Variants in RICTOR observed in about 807,000 individuals in gnomAD.
RICTOR encodes rapamycin-insensitive companion of mTOR.
A neutral mutation model predicts 214.9 loss-of-function variants in RICTOR; 49 were observed. The ratio of observed to expected loss-of-function variants is 0.23; its 90% CI spans 0.18 to 0.29. RICTOR has a LOEUF of 0.29. Ranked by LOEUF, RICTOR falls within the 10% of genes least tolerant of loss-of-function variation. The pLI, the probability that RICTOR is intolerant of heterozygous loss-of-function variation, is 1.00. For synonymous variants in RICTOR, 717 were observed against 711.3 expected (o/e 1.01, Z -0.13); for missense variants, 1,625 against 2,047.0 (o/e 0.79, Z 3.98).
At chr5:38,949,339 G>T in intron 31 of RICTOR, 1 of 1,505,486 alleles carries the variant, frequency 6.6e-7, no homozygotes, top group Non-Finnish European at 8.9e-7. Flanking sequence ...AACTTTTGGA[G>T]CCTTAAATTG....
At chr5:38,991,980 A>C (rs913694621) in intron 6 of RICTOR, among the ~76,000 whole-genome samples, 1 of 152,156 alleles carries the variant, frequency 6.6e-6, no homozygotes, top group Non-Finnish European at 1.5e-5. Context: ...TTGATAAAAT[A>C]AAACTTGTGA....
At chr5:38,974,726 A>C (rs1172491979) in intron 10 of RICTOR, among the ~76,000 whole-genome samples, 2 of 152,224 alleles carry the variant, frequency 1.3e-5, no homozygotes, top group Non-Finnish European at 2.9e-5. Flanking sequence ...CTTTTTACCA[A>C]GCTGCTAAGA....
intron 2 of RICTOR, among the ~76,000 whole-genome samples, chr5:39,039,281 G>A (rs1580166884): frequency 1.3e-5 from 2 of 152,042 alleles, no homozygotes; most frequent in African/African-American, 4.8e-5. Flanking sequence ...AGCTGAAACT[G>A]GATCCCTTCC....
chr5:39,039,295 C>T (rs1245386392), intron 2 of RICTOR, among the ~76,000 whole-genome samples: 6 of 152,118 alleles, frequency 3.9e-5, no homozygotes, highest in African/African-American at 1.4e-4. Flanking sequence ...CCCTTCCTTA[C>T]ACCTTATACA....
intron 3 of RICTOR, among the ~76,000 whole-genome samples, chr5:39,018,963 A>G (rs1755178086): frequency 6.6e-6 from 1 of 152,180 alleles, no homozygotes; most frequent in Non-Finnish European, 1.5e-5. Flanking sequence ...CACACAAATA[A>G]TATGAAGGCA....
intron 15 of RICTOR, 86 bp from the exon 16 acceptor site, chr5:38,964,978 T>C: frequency 1.5e-6 from 1 of 680,034 alleles, no homozygotes; most frequent in East Asian, 2.9e-5. Flanking sequence ...AATGCTGTAT[T>C]CAAGACTATT....
At chr5:39,006,557 C>G (rs1754067882) in intron 3 of RICTOR, among the ~76,000 whole-genome samples, 1 of 151,654 alleles carries the variant, frequency 6.6e-6, no homozygotes, top group Non-Finnish European at 1.5e-5. Flanking sequence ...CCAAAGTGAT[C>G]AACATATCAC....
At chr5:38,981,676 T>C (rs1751725398) in intron 8 of RICTOR, 191 bp downstream of exon 8, 1 of 446,122 alleles carries the variant, frequency 2.2e-6, no homozygotes, top group Non-Finnish European at 3.9e-6. Context: ...GATGAAATAT[T>C]CTTAAGAGTA....
chr5:39,014,398 C>G (rs1185199774), intron 3 of RICTOR, among the ~76,000 whole-genome samples: 4 of 152,002 alleles, frequency 2.6e-5, no homozygotes, highest in Non-Finnish European at 4.4e-5. Context: ...AGTGGTATTT[C>G]TGTCAGAACA....
At chr5:39,066,392 T>C (rs1033745297) in intron 2 of RICTOR, among the ~76,000 whole-genome samples, 3 of 152,244 alleles carry the variant, frequency 2.0e-5, no homozygotes, top group Non-Finnish European at 4.4e-5. Flanking sequence ...CCTAGGCCTC[T>C]GGGCCTATGA....
intron 2 of RICTOR, among the ~76,000 whole-genome samples, chr5:39,040,416 T>G (rs1339151552): frequency 6.6e-6 from 1 of 152,110 alleles, no homozygotes; most frequent in Non-Finnish European, 1.5e-5. Flanking sequence ...TGTGTACATA[T>G]GTAACAAACC....
chr5:39,008,042 G>A (rs1484306650), intron 3 of RICTOR, among the ~76,000 whole-genome samples: 2 of 151,478 alleles, frequency 1.3e-5, no homozygotes, highest in Non-Finnish European at 3.0e-5. Context: ...TAACATTAAA[G>A]AAATGGGAAT....
chr5:38,991,164 A>G, intron 6 of RICTOR, 89 bp from the exon 7 acceptor site: 1 of 732,454 alleles, frequency 1.4e-6, no homozygotes, highest in African/African-American at 1.8e-5. Flanking sequence ...TAATAACAGA[A>G]TAAGATCCAG....
intron 2 of RICTOR, among the ~76,000 whole-genome samples, chr5:39,035,125 T>C (rs1310651386): frequency 2.0e-5 from 3 of 152,122 alleles, no homozygotes; most frequent in African/African-American, 7.2e-5. Context: ...GAGACAAAAC[T>C]TCCAGAGGAA....
intron 3 of RICTOR, among the ~76,000 whole-genome samples, chr5:39,006,691 G>GGGAAGGGAGA (rs1754077578): frequency 2.5e-5 from 3 of 118,412 alleles, no homozygotes; most frequent in Non-Finnish European, 5.3e-5. Context: ...GGGAGGGAAG[G>GGGAAGGGAGA]GGAAGGGAGA....
At position 39,074,173 on chromosome 5, in the gene RICTOR, C is replaced by A. The variant is rs2150229917; in HGVS notation, c.50-15G>T. ...GTCATTCCGCCCTGCGCGAAACAGA[C>A]ACACAGCCCCAATTAGGATTGGCTC... On this transcript the variant is annotated splice_polypyrimidine_tract_variant and intron_variant, in intron 1 of 37. Coordinates refer to ENST00000357387, the MANE Select transcript of RICTOR (RefSeq NM_152756.5). 1 of 1,590,616 alleles carries A rather than the reference C, an allele frequency of 6.3e-7. No homozygotes were observed. Among genetic ancestry groups the A allele is most frequent in the Non-Finnish European group, 8.5e-7 (1 of 1,169,838 alleles).
chr5:38,982,805 CATAT>C (rs10563872), intron 7 of RICTOR, among the ~76,000 whole-genome samples: 4 of 150,998 alleles, frequency 2.6e-5, no homozygotes, highest in Non-Finnish European at 4.4e-5. Context: ...TATACACATA[CATAT>C]ATATATATAA....
intron 2 of RICTOR, among the ~76,000 whole-genome samples, chr5:39,042,460 T>A (rs1171288338): frequency 1.3e-5 from 2 of 152,202 alleles, no homozygotes; most frequent in African/African-American, 4.8e-5. Context: ...AGAGACATAG[T>A]TCACTTGCCT....
chr5:39,013,581 T>C (rs1009752299), intron 3 of RICTOR, among the ~76,000 whole-genome samples: 3 of 152,142 alleles, frequency 2.0e-5, no homozygotes, highest in African/African-American at 7.2e-5. Context: ...CCCATTTTAC[T>C]TGTATTACTC....
Sources: gnomAD v4.1 joint callset for allele counts (sites outside exome capture counted in the v4.1 genomes callset) on GRCh38, gnomAD v4.1.1 for gene constraint, MANE v1.5 for transcripts, NCBI Gene and HGNC (gene_info 2026-07-23, HGNC 2026-07-21) for gene names.